The following ZNF827 variants were observed in gnomAD, a reference collection of about 807,000 sequenced individuals.
ZNF827 encodes zinc finger protein 827.
In ZNF827, 13 loss-of-function variants were observed where a neutral mutation model predicts 102.4. That is an observed-to-expected ratio of 0.13 (90% CI 0.08 to 0.20). ZNF827 has a LOEUF of 0.20. ZNF827 is among the 10% of genes least tolerant of loss of function. ZNF827 has a pLI of 1.00. For missense variants in ZNF827, 1,103 were observed against 1,344.4 expected (o/e 0.82, Z 2.81); for synonymous variants, 523 against 536.2 (o/e 0.98, Z 0.34).
At chr4:145,838,495 G>T (rs1168094189) in intron 7 of ZNF827, among the ~76,000 whole-genome samples, 1 of 152,090 alleles carries the variant, frequency 6.6e-6, no homozygotes, top group Non-Finnish European at 1.5e-5. Context: ...TCACAGGGAC[G>T]CGCATGAAAA....
intron 1 of ZNF827, among the ~76,000 whole-genome samples, chr4:145,928,870 T>C (rs1177715154): frequency 4.6e-5 from 7 of 152,094 alleles, no homozygotes; most frequent in Non-Finnish European, 7.4e-5. Context: ...TATGGGGACA[T>C]GGTGGCCGAG....
At chr4:145,783,983 T>C (rs563173034) in intron 8 of ZNF827, among the ~76,000 whole-genome samples, 2 of 152,322 alleles carry the variant, frequency 1.3e-5, no homozygotes, top group East Asian at 1.9e-4. Flanking sequence ...GTTCTCATGA[T>C]AGTGAGTTCT....
chr4:145,824,464 T>G (rs1025783774), intron 7 of ZNF827, among the ~76,000 whole-genome samples: 1 of 151,154 alleles, frequency 6.6e-6, no homozygotes, highest in Non-Finnish European at 1.5e-5. Flanking sequence ...TTCCAGGGGG[T>G]AGTAACACAG....
At chr4:145,775,116 AC>A (rs1366633021) in intron 10 of ZNF827, among the ~76,000 whole-genome samples, 1 of 152,094 alleles carries the variant, frequency 6.6e-6, no homozygotes, top group East Asian at 1.9e-4. Context: ...CAATGAAAGC[AC>A]CTACAGTTTG....
chr4:145,899,823 A>C (rs1315054141), intron 2 of ZNF827, among the ~76,000 whole-genome samples: 1 of 152,234 alleles, frequency 6.6e-6, no homozygotes, highest in Non-Finnish European at 1.5e-5. Flanking sequence ...GTCAATCAGC[A>C]CAGGGTTCTA....
At chr4:145,810,960 T>C (rs542313344) in intron 8 of ZNF827, among the ~76,000 whole-genome samples, 6 of 152,198 alleles carry the variant, frequency 3.9e-5, no homozygotes, top group Non-Finnish European at 2.9e-5. Flanking sequence ...CATGGAGTGT[T>C]ATACTTCTCT....
intron 2 of ZNF827, among the ~76,000 whole-genome samples, chr4:145,896,251 T>G (rs1254027418): frequency 6.6e-6 from 1 of 152,078 alleles, no homozygotes; most frequent in Non-Finnish European, 1.5e-5. Context: ...ACAACTAACA[T>G]CACATAATAA....
intron 1 of ZNF827, among the ~76,000 whole-genome samples, chr4:145,933,009 C>A (rs1274220570): frequency 6.6e-6 from 1 of 152,230 alleles, no homozygotes; most frequent in Non-Finnish European, 1.5e-5. Flanking sequence ...ACCTCTCCAG[C>A]ATGATTTATT....
rs1174930111 is a variant in ZNF827, at chr4:145,768,858, C to CAAAAAAAAAAAAAA, written c.2861-3134_2861-3121dup. On this transcript the variant is annotated intron_variant, in intron 11 of 14. Transcript: ENST00000508784. Reference sequence around the variant, plus strand: ...TGGGTGACAGAGCAAGACTCCGTCTCAAAAAAAAAAAAAAAAAAAAAAAAA... The same window carrying CAAAAAAAAAAAAAA: ...TGGGTGACAGAGCAAGACTCCGTCTCAAAAAAAAAAAAAAAAAAAAAAAAAAAAAAAAAAAAAAA... 4.4e-4 allele frequency among the ~76,000 whole-genome samples: 2 copies of CAAAAAAAAAAAAAA among 4,534 alleles called. 1 individual carries two copies. Among genetic ancestry groups the CAAAAAAAAAAAAAA allele is most frequent in the Non-Finnish European group, 9.2e-4 (2 of 2,174 alleles). 3.0% of individuals were successfully genotyped at this position (4,534 alleles called of 152,430 possible).
intron 1 of ZNF827, among the ~76,000 whole-genome samples, chr4:145,925,916 A>T (rs1049372133): frequency 5.9e-5 from 9 of 152,230 alleles, no homozygotes; most frequent in African/African-American, 2.2e-4. Flanking sequence ...ATTTTTGGTT[A>T]GTTTTATTTA....
At chr4:145,921,205 T>C (rs1753038772) in intron 1 of ZNF827, among the ~76,000 whole-genome samples, 1 of 152,148 alleles carries the variant, frequency 6.6e-6, no homozygotes, top group Admixed American at 6.5e-5. Flanking sequence ...GGTATAAGTA[T>C]GATTTGCAGA....
At chr4:145,768,269 A>G (rs535463162) in intron 11 of ZNF827, among the ~76,000 whole-genome samples, 26 of 152,092 alleles carry the variant, frequency 1.7e-4, no homozygotes, top group African/African-American at 6.0e-4. Flanking sequence ...GGTTCAAGCA[A>G]TTTTCCTGCC....
rs1469305682 is a variant in ZNF827 at position 145,760,932 on chromosome 4, G to C, written c.*684C>G. 1 of 1,232,144 alleles carries C rather than the reference G, an allele frequency of 8.1e-7. No homozygotes were observed. The highest frequency in any genetic ancestry group is 1.6e-5 in the African/African-American group (1 of 63,770). The allele number at this position is 1,232,144 out of a possible 1,614,324, so 76.3% of individuals were successfully genotyped here. A position where few individuals can be genotyped will look rare whatever the true frequency, so the allele number is the denominator to read the frequency against. ...ATAACATTGTCAAGGGAATGAGATGGGCAAAATCTGAGTTCCGGTACTTGT... is the reference window on the plus strand; with the variant it reads ...ATAACATTGTCAAGGGAATGAGATGCGCAAAATCTGAGTTCCGGTACTTGT... On this transcript the variant is annotated 3_prime_UTR_variant, in exon 15 of 15. Coordinates refer to ENST00000508784, the MANE Select transcript of ZNF827 (RefSeq NM_001306215.2).
chr4:145,886,020 T>C lies in ZNF827; in HGVS notation c.1405A>G (p.Ile469Val). Residue 469 changes from isoleucine to valine, a missense_variant, in exon 4 of 15, where the codon ATC (isoleucine) becomes GTC (valine). This residue lies in a region of ZNF827 where 157 missense variants were observed against 211.7 expected (regional missense o/e 0.74). Coordinates refer to ENST00000508784, the MANE Select transcript of ZNF827 (RefSeq NM_001306215.2). ...LRTEAKVKEE[I>V]PDPDVKGSPH... is the part of the protein sequence containing the mutation. ...GATCCCTTGACATCTGGGTCTGGGATCTCCTCCTTCACCTTGGCTTCTGTC... is the reference window on the plus strand; with the variant it reads ...GATCCCTTGACATCTGGGTCTGGGACCTCCTCCTTCACCTTGGCTTCTGTC... 2 of 1,614,152 alleles carry C rather than the reference T, an allele frequency of 1.2e-6. No homozygotes were observed. The highest frequency in any genetic ancestry group is 1.7e-6 in the Non-Finnish European group (2 of 1,180,024).
chr4:145,882,786 G>C (rs1427269190), intron 4 of ZNF827, among the ~76,000 whole-genome samples: 1 of 152,182 alleles, frequency 6.6e-6, no homozygotes, highest in Non-Finnish European at 1.5e-5. Flanking sequence ...CCCACAAACA[G>C]CTGCACCCTA....
intron 3 of ZNF827, among the ~76,000 whole-genome samples, chr4:145,887,758 A>G (rs1335029057): frequency 2.0e-5 from 3 of 152,166 alleles, no homozygotes; most frequent in African/African-American, 7.2e-5. Context: ...CCTCCGACCA[A>G]TTCACGCAGA....
chr4:145,849,442 C>T lies in ZNF827; in HGVS notation c.2101G>A (p.Gly701Arg), dbSNP rs769061992. 8.7e-6 allele frequency: 14 copies of T among 1,613,976 alleles called. No individual in the cohort carries two copies. Among genetic ancestry groups the T allele is most frequent in the African/African-American group, 5.3e-5 (4 of 74,874 alleles). ...SRNVGYSTLI[G>R]REKTEPLQKM... is the part of the protein sequence containing the mutation. ...TGTAAGGGTTCGGTTTTCTCTCGCC[C>T]GATTAAAGTGCTGTAGCCAACATTC... The change falls in exon 6 of 15, where the codon GGG (glycine) becomes AGG (arginine). Residue 701 changes from glycine to arginine, a missense_variant. Around this residue, in one of 5 missense-constraint regions of ZNF827, gnomAD observed 243 missense variants for 251.6 expected, o/e 0.97. Transcript: ENST00000508784.
chr4:145,835,266 T>C lies in ZNF827; in HGVS notation c.2279+10690A>G, dbSNP rs551333459. 3.2e-4 allele frequency: 49 copies of C among 152,286 alleles called. No individual in the cohort carries two copies. The East Asian group carries it at 6.0e-3, about 19-fold the overall frequency. 9.4% of individuals were successfully genotyped at this position (152,286 alleles called of 1,614,324 possible). On this transcript the variant is annotated intron_variant, in intron 7 of 14. Coordinates refer to ENST00000508784, the MANE Select transcript of ZNF827 (RefSeq NM_001306215.2). ...AAGCCCCCTAGACCATCACGGATGCTGAGCTTCGGGTAACTCTCACAGTGG... is the reference window on the plus strand; with the variant it reads ...AAGCCCCCTAGACCATCACGGATGCCGAGCTTCGGGTAACTCTCACAGTGG...
At chr4:145,877,972 T>C (rs929273581) in intron 4 of ZNF827, among the ~76,000 whole-genome samples, 1 of 152,174 alleles carries the variant, frequency 6.6e-6, no homozygotes, top group Non-Finnish European at 1.5e-5. Context: ...GCCTGGAGAC[T>C]AGAAGAAAGA....
Sources: allele counts gnomAD v4.1 joint callset (sites outside exome capture counted in the v4.1 genomes callset), GRCh38; gene constraint gnomAD v4.1.1; regional missense constraint gnomAD v4.1.1; transcripts MANE v1.5; gene names NCBI Gene and HGNC (gene_info 2026-07-23, HGNC 2026-07-21).